The following SDK1 variants were observed in gnomAD, a reference collection of about 807,000 sequenced individuals.
SDK1 encodes protein sidekick-1.
SDK1 carries 157 observed loss-of-function variants against 245.5 expected under a neutral mutation model. The observed-to-expected ratio is 0.64, with a 90% CI of 0.56 to 0.73. The LOEUF (loss-of-function observed/expected upper bound fraction) is 0.73. SDK1 is among the 30% of genes least tolerant of loss of function. SDK1 has a pLI of 0.00. For missense variants in SDK1, 3,583 were observed against 3,002.3 expected, an observed-to-expected ratio of 1.19 and a Z score of -4.52; for synonymous variants, 1,647 against 1,278.5, an observed-to-expected ratio of 1.29 and a Z score of -6.15.
intron 1 of SDK1, among the ~76,000 whole-genome samples, chr7:3,440,972 T>G (rs531760716): frequency 6.6e-6 from 1 of 152,196 alleles, no homozygotes; most frequent in African/African-American, 2.4e-5. Flanking sequence ...TTACACCAAG[T>G]GAGGGATAGT....
intron 4 of SDK1, among the ~76,000 whole-genome samples, chr7:3,779,540 A>G (rs1780662921): frequency 6.6e-6 from 1 of 151,970 alleles, no homozygotes; most frequent in Non-Finnish European, 1.5e-5. Context: ...CCGTTTTCAT[A>G]TTTGGATATT....
At chr7:4,225,509 G>A (rs1050738329) in intron 40 of SDK1, among the ~76,000 whole-genome samples, 1 of 152,294 alleles carries the variant, frequency 6.6e-6, no homozygotes, top group East Asian at 1.9e-4. Context: ...GCAGCGATAA[G>A]GCATTGGTTC....
chr7:3,360,425 TG>T (rs1780920945), intron 1 of SDK1, among the ~76,000 whole-genome samples: 1 of 152,226 alleles, frequency 6.6e-6, no homozygotes, highest in Admixed American at 6.5e-5. Context: ...AATGTAGCTC[TG>T]GGATGTCCCA....
Position 3,826,479 on chromosome 7 carries a change from C to T in SDK1, c.847+4896C>T, listed in dbSNP as rs529654564. On this transcript the variant is annotated intron_variant, in intron 5 of 44. Transcript: ENST00000404826. ...GGCTTCTACTAACGACACAAGTGTT[C>T]CTGCTGCCGTTTGTTGCCATCTGAT... is the stretch of plus-strand genomic sequence containing the variant. 2.6e-5 allele frequency among the ~76,000 whole-genome samples: 4 copies of T among 152,314 alleles called. No individual in the cohort carries two copies. In the South Asian group the frequency reaches 6.2e-4, roughly 24 times the overall value.
At chr7:4,004,565 T>C (rs1785318664) in intron 14 of SDK1, among the ~76,000 whole-genome samples, 1 of 152,194 alleles carries the variant, frequency 6.6e-6, no homozygotes. Flanking sequence ...ATAGACACTT[T>C]CTAAGAACTT....
At chr7:3,400,708 T>C (rs1307285954) in intron 1 of SDK1, among the ~76,000 whole-genome samples, 1 of 152,102 alleles carries the variant, frequency 6.6e-6, no homozygotes, top group Non-Finnish European at 1.5e-5. Context: ...CCAGTTTTAT[T>C]TTGTAGTTGG....
At chr7:4,235,324 C>A (rs367940202) in intron 41 of SDK1, among the ~76,000 whole-genome samples, 1 of 152,036 alleles carries the variant, frequency 6.6e-6, no homozygotes, top group African/African-American at 2.4e-5. Flanking sequence ...CCACCACGCC[C>A]GGCTAATTTT....
intron 1 of SDK1, among the ~76,000 whole-genome samples, chr7:3,557,916 C>T (rs771682682): frequency 6.6e-6 from 1 of 152,050 alleles, no homozygotes; most frequent in South Asian, 2.1e-4. Flanking sequence ...TAGATCATAC[C>T]ATATGTAAAT....
intron 28 of SDK1, among the ~76,000 whole-genome samples, chr7:4,138,279 CT>C (rs1779229099): frequency 6.6e-6 from 1 of 152,204 alleles, no homozygotes; most frequent in Admixed American, 6.5e-5. Context: ...AAACTCCCCC[CT>C]TCCTACTTGG....
Position 4,110,680 on chromosome 7 carries a change from C to G in SDK1, c.3342C>G (p.Asp1114Glu), listed in dbSNP as rs6980076. 3.1e-5 allele frequency: 50 copies of G among 1,613,132 alleles called. 1 individual carries two copies. Among genetic ancestry groups the G allele is most frequent in the South Asian group, 2.2e-4 (20 of 91,070 alleles). Reference protein sequence around the residue: ...IVEGQVGAIGDEEEWVTLYEE... With the variant: ...IVEGQVGAIGEEEEWVTLYEE... ...CTGCACAGGTGGGAGCTATCGGCGACGAGGAGGAGTGGGTCACCCTCTATG... is the reference window on the plus strand; with the variant it reads ...CTGCACAGGTGGGAGCTATCGGCGAGGAGGAGGAGTGGGTCACCCTCTATG... The change falls in exon 23 of 45, where the codon GAC becomes GAG. Residue 1114 changes from aspartate (D) to glutamate (E), a missense_variant. Asp to Glu is a conservative substitution (Grantham distance 45, BLOSUM62 2). Coordinates refer to ENST00000404826, the MANE Select transcript of SDK1 (RefSeq NM_152744.4).
At chr7:3,617,610 T>G (rs1189871349) in intron 1 of SDK1, among the ~76,000 whole-genome samples, 1 of 152,190 alleles carries the variant, frequency 6.6e-6, no homozygotes, top group African/African-American at 2.4e-5. Flanking sequence ...AACATGGCAG[T>G]TCATCTGGGG....
At chr7:3,424,067 A>T (rs1397544908) in intron 1 of SDK1, among the ~76,000 whole-genome samples, 2 of 152,032 alleles carry the variant, frequency 1.3e-5, no homozygotes, top group Non-Finnish European at 2.9e-5. Context: ...GCGCGCCACC[A>T]TGCCTAGCTA....
intron 40 of SDK1, among the ~76,000 whole-genome samples, chr7:4,225,071 C>T (rs1480734592): frequency 1.4e-5 from 2 of 145,392 alleles, no homozygotes; most frequent in Non-Finnish European, 3.0e-5. Context: ...TTCCTCCTCC[C>T]TGAACGCCTG....
intron 1 of SDK1, among the ~76,000 whole-genome samples, chr7:3,375,430 T>G (rs1375459236): frequency 6.6e-6 from 1 of 152,206 alleles, no homozygotes; most frequent in Admixed American, 6.5e-5. Context: ...AGCCTGCAAG[T>G]TGGCTCCCAG....
chr7:3,334,731 C>G (rs576794198), intron 1 of SDK1, among the ~76,000 whole-genome samples: 10 of 152,290 alleles, frequency 6.6e-5, no homozygotes, highest in Admixed American at 6.5e-4. Context: ...TTATTCTGTT[C>G]TTGACTTCTC....
chr7:4,076,027 C>T (rs1250469658), intron 20 of SDK1, among the ~76,000 whole-genome samples: 2 of 151,934 alleles, frequency 1.3e-5, no homozygotes, highest in African/African-American at 4.8e-5. Flanking sequence ...GCCCCACTGG[C>T]CTGAAGAGAG....
chr7:3,392,073 A>T (rs1781772598), intron 1 of SDK1, among the ~76,000 whole-genome samples: 1 of 151,944 alleles, frequency 6.6e-6, no homozygotes, highest in Non-Finnish European at 1.5e-5. Flanking sequence ...CACATTCATG[A>T]TAGAAAGTAT....
At chr7:3,456,549 AC>A (rs2128593443) in intron 1 of SDK1, among the ~76,000 whole-genome samples, 1 of 151,612 alleles carries the variant, frequency 6.6e-6, no homozygotes, top group South Asian at 2.1e-4. Context: ...CAGTTCTTTA[AC>A]TTTCATTTGT....
At chr7:3,901,413 C>G (rs1781786998) in intron 5 of SDK1, among the ~76,000 whole-genome samples, 1 of 152,152 alleles carries the variant, frequency 6.6e-6, no homozygotes, top group South Asian at 2.1e-4. Context: ...GTCTCGATCT[C>G]TTGACCTTGT....
Sources: gnomAD v4.1 joint callset for allele counts (sites outside exome capture counted in the v4.1 genomes callset) on GRCh38, gnomAD v4.1.1 for gene constraint, MANE v1.5 for transcripts, NCBI Gene and HGNC (gene_info 2026-07-23, HGNC 2026-07-21) for gene names.